The following SLC5A4 variants were observed in gnomAD, a reference collection of about 807,000 sequenced individuals.
The protein encoded by SLC5A4 is probable glucose sensor protein SLC5A4.
SLC5A4 carries 55 observed loss-of-function variants against 70.3 expected under a neutral mutation model. The ratio of observed to expected loss-of-function variants is 0.78; its 90% confidence interval spans 0.63 to 0.98. The LOEUF (loss-of-function observed/expected upper bound fraction) is 0.98, where lower values mean the gene tolerates loss of function less well. Ranked by LOEUF, SLC5A4 falls within the 50% of genes least tolerant of loss-of-function variation. SLC5A4 has a pLI of 0.00. For synonymous variants in SLC5A4, 268 were observed against 305.7 expected (o/e 0.88, Z 1.29); for missense variants, 735 against 839.2 (o/e 0.88, Z 1.53).
the SLC5A4 span, among the ~76,000 whole-genome samples, chr22:32,301,177 G>C: frequency 3.2e-4 from 48 of 152,238 alleles, 2 homozygotes; most frequent in South Asian, 9.5e-3. Flanking sequence ...TGACCAGTCT[G>C]ATCTTGAACT....
chr22:32,254,923 G>A (rs1927386183), intron 1 of SLC5A4, among the ~76,000 whole-genome samples: 2 of 152,090 alleles, frequency 1.3e-5, no homozygotes, highest in East Asian at 3.8e-4. Context: ...AAAGAAATGC[G>A]ATAATAAAAA....
At chr22:32,303,383 C>T in the SLC5A4 span, among the ~76,000 whole-genome samples, 5 of 152,292 alleles carry the variant, frequency 3.3e-5, no homozygotes, top group African/African-American at 1.2e-4. Context: ...AGCCTTTCAC[C>T]AAAAACACAA....
chr22:32,231,126 A>T (rs370135886), intron 9 of SLC5A4, 51 bp from the exon 10 acceptor site: 139 of 1,038,460 alleles, frequency 1.3e-4, no homozygotes, highest in Middle Eastern at 1.0e-3. Flanking sequence ...AGGCAAAACC[A>T]ACAACCATTA....
the SLC5A4 span, among the ~76,000 whole-genome samples, chr22:32,325,681 G>T: frequency 1.3e-5 from 2 of 152,246 alleles, no homozygotes; most frequent in Admixed American, 1.3e-4. Flanking sequence ...TCTCCTCTGC[G>T]CCGGGCACTG....
chr22:32,304,048 A>G, the SLC5A4 span, among the ~76,000 whole-genome samples: 3 of 152,172 alleles, frequency 2.0e-5, no homozygotes, highest in Admixed American at 1.3e-4. Context: ...ATGACATATG[A>G]GATGGAGCAT....
At chr22:32,341,853 T>C in the SLC5A4 span, among the ~76,000 whole-genome samples, 70 of 152,222 alleles carry the variant, frequency 4.6e-4, no homozygotes. Flanking sequence ...TCCACCTGAG[T>C]GAACCATGAA....
the SLC5A4 span, among the ~76,000 whole-genome samples, chr22:32,353,288 C>T: frequency 6.6e-6 from 1 of 152,106 alleles, no homozygotes; most frequent in Non-Finnish European, 1.5e-5. Flanking sequence ...GCCAGCCCTC[C>T]CAACCCTAGT....
At chr22:32,269,932 G>A in the SLC5A4 span, 1 of 539,352 alleles carries the variant, frequency 1.9e-6, no homozygotes, top group African/African-American at 1.9e-5. This position sits in a 1 kb window ranked among gnomAD's most constrained non-coding sequence, Gnocchi z 4.1. Context: ...CACCAGCATG[G>A]TCACCATGGA....
chr22:32,292,561 A>G, the SLC5A4 span, among the ~76,000 whole-genome samples: 1 of 151,124 alleles, frequency 6.6e-6, no homozygotes, highest in South Asian at 2.1e-4. Flanking sequence ...TTGATCTTGG[A>G]CTTCCCAGAC....
the SLC5A4 span, among the ~76,000 whole-genome samples, chr22:32,291,421 C>T: frequency 6.6e-6 from 1 of 152,090 alleles, no homozygotes; most frequent in Non-Finnish European, 1.5e-5. Flanking sequence ...TCGTGATCCA[C>T]CCACCTTGGC....
the SLC5A4 span, among the ~76,000 whole-genome samples, chr22:32,277,542 T>C: frequency 0.27 from 41,737 of 152,052 alleles, 5,718 homozygotes; most frequent in East Asian, 0.31. Flanking sequence ...TCCGGTTTTA[T>C]GTATTTACTT....
chr22:32,274,971 C>G, the SLC5A4 span, among the ~76,000 whole-genome samples: 5 of 152,320 alleles, frequency 3.3e-5, no homozygotes, highest in Admixed American at 6.5e-5. Flanking sequence ...AGCTCTTTCT[C>G]TAGTCAGTCT....
the SLC5A4 span, among the ~76,000 whole-genome samples, chr22:32,321,442 ACT>A: frequency 0.054 from 8,183 of 152,204 alleles, 375 homozygotes; most frequent in Admixed American, 0.15. Context: ...GCAGAGCGAG[ACT>A]CTGTCTCAAA....
the SLC5A4 span, among the ~76,000 whole-genome samples, chr22:32,353,362 C>T: frequency 1.3e-5 from 2 of 152,104 alleles, no homozygotes; most frequent in East Asian, 1.9e-4. Flanking sequence ...TCAGCTACTG[C>T]GTGCCCGGGG....
chr22:32,320,923 C>T, the SLC5A4 span, among the ~76,000 whole-genome samples: 6 of 152,170 alleles, frequency 3.9e-5, no homozygotes, highest in Admixed American at 1.3e-4. Context: ...CAAAGAAGCC[C>T]GGGAGCTGGT....
chr22:32,340,111 G>A, the SLC5A4 span, among the ~76,000 whole-genome samples: 1 of 150,034 alleles, frequency 6.7e-6, no homozygotes, highest in African/African-American at 2.5e-5. Flanking sequence ...CAGCTCAGCT[G>A]CTGTGCGTTT....
chr22:32,304,266 G>A, the SLC5A4 span, among the ~76,000 whole-genome samples: 1 of 151,642 alleles, frequency 6.6e-6, no homozygotes, highest in Non-Finnish European at 1.5e-5. Flanking sequence ...AGCTGGGACT[G>A]CAGGCATGCG....
At chr22:32,287,952 A>C in the SLC5A4 span, among the ~76,000 whole-genome samples, 4 of 151,628 alleles carry the variant, frequency 2.6e-5, no homozygotes, top group Non-Finnish European at 5.9e-5. Context: ...GACCAAGAAG[A>C]AGCAGGTATA....
chr22:32,324,527 T>C, the SLC5A4 span, among the ~76,000 whole-genome samples: 1 of 152,050 alleles, frequency 6.6e-6, no homozygotes, highest in Non-Finnish European at 1.5e-5. Context: ...CCCTCCCCTA[T>C]CTCCACCTAG....
Sources: allele counts gnomAD v4.1 joint callset (sites outside exome capture counted in the v4.1 genomes callset), GRCh38; gene constraint gnomAD v4.1.1; non-coding constraint Gnocchi (gnomAD v3.1); transcripts MANE v1.5; gene names NCBI Gene and HGNC (gene_info 2026-07-23, HGNC 2026-07-21).